Variants in TTC28 observed in about 807,000 individuals in gnomAD.
The protein encoded by TTC28 is tetratricopeptide repeat protein 28.
TTC28 carries 61 observed loss-of-function variants against 198.0 expected under a neutral mutation model. The observed-to-expected ratio is 0.31, with a 90% CI of 0.25 to 0.38. The LOEUF (loss-of-function observed/expected upper bound fraction) is 0.38. Among genes scored for constraint, TTC28 ranks in the 10% least tolerant of loss-of-function variants. TTC28 has a pLI of 1.00. For synonymous variants in TTC28, 1,171 were observed against 1,297.8 expected (o/e 0.90, Z 2.10); for missense variants, 2,678 against 3,164.0 (o/e 0.85, Z 3.69).
chr22:28,143,239 G>C (rs1169871532), intron 6 of TTC28, among the ~76,000 whole-genome samples: 1 of 152,194 alleles, frequency 6.6e-6, no homozygotes, highest in African/African-American at 2.4e-5. Context: ...AAGAATGACA[G>C]AATGAATGGA....
chr22:28,074,001 A>C (rs1021819079), intron 12 of TTC28, among the ~76,000 whole-genome samples: 2 of 152,214 alleles, frequency 1.3e-5, no homozygotes, highest in African/African-American at 4.8e-5. Context: ...GGTCTGACAC[A>C]GTTAAATGTG....
chr22:27,985,657 A>C, intron 21 of TTC28: 1 of 241,250 alleles, frequency 4.1e-6, no homozygotes, highest in Non-Finnish European at 8.4e-6. Flanking sequence ...AGTAAGGCTC[A>C]CTCACATGTT....
intron 5 of TTC28, among the ~76,000 whole-genome samples, chr22:28,200,884 T>C (rs1164910337): frequency 6.6e-6 from 1 of 152,228 alleles, no homozygotes; most frequent in Non-Finnish European, 1.5e-5. Context: ...AAAGCTATAT[T>C]GTGTGCTACT....
At position 28,130,540 on chromosome 22, in the gene TTC28, T is replaced by C. The variant is rs565309412; in HGVS notation, c.1442-22137A>G. 9.8e-5 allele frequency among the ~76,000 whole-genome samples: 15 copies of C among 152,368 alleles called. No individual in the cohort carries two copies. In the South Asian group the frequency reaches 2.5e-3, roughly 25 times the overall value. Reference sequence around the variant, plus strand: ...ACATTTTGTTTTATACATATGTATCTAGCTTTACATATAAATATGTCTTCA... The same window carrying C: ...ACATTTTGTTTTATACATATGTATCCAGCTTTACATATAAATATGTCTTCA... On this transcript the variant is annotated intron_variant, in intron 6 of 22. Transcript: ENST00000397906.
At chr22:28,024,616 G>A (rs943784375) in intron 13 of TTC28, among the ~76,000 whole-genome samples, 1 of 152,350 alleles carries the variant, frequency 6.6e-6, no homozygotes, top group East Asian at 1.9e-4. Context: ...GGATCAGTGT[G>A]AGGGACAAAG....
intron 2 of TTC28, among the ~76,000 whole-genome samples, chr22:28,615,240 C>A (rs2050884296): frequency 6.6e-6 from 1 of 152,262 alleles, no homozygotes; most frequent in Middle Eastern, 3.4e-3. Context: ...CAAATCAAAA[C>A]CACAATGAGA....
intron 2 of TTC28, among the ~76,000 whole-genome samples, chr22:28,377,156 C>A (rs1346577126): frequency 1.4e-5 from 2 of 139,100 alleles, no homozygotes; most frequent in Non-Finnish European, 3.1e-5. Flanking sequence ...AAGTAAAAAA[C>A]CAAACAAAAC....
chr22:28,514,690 C>T (rs530854958), intron 2 of TTC28, among the ~76,000 whole-genome samples: 2 of 152,274 alleles, frequency 1.3e-5, no homozygotes, highest in East Asian at 1.9e-4. Context: ...CATGCCTGTG[C>T]GCAGCAGAGA....
chr22:28,566,729 GT>G (rs1399625265), intron 2 of TTC28, among the ~76,000 whole-genome samples: 1 of 152,072 alleles, frequency 6.6e-6, no homozygotes, highest in African/African-American at 2.4e-5. Context: ...GAGAAAAAAA[GT>G]TCTTGAAAAT....
At chr22:28,630,270 G>T (rs2051152077) in intron 1 of TTC28, among the ~76,000 whole-genome samples, 1 of 151,984 alleles carries the variant, frequency 6.6e-6, no homozygotes, top group African/African-American at 2.4e-5. Context: ...AGATTACTCA[G>T]CCTCAGGTAT....
At chr22:28,250,977 C>T (rs1343311289) in intron 5 of TTC28, among the ~76,000 whole-genome samples, 3 of 152,046 alleles carry the variant, frequency 2.0e-5, no homozygotes, top group African/African-American at 2.4e-5. Context: ...GTAAAGTAGC[C>T]GAGAGTTATA....
rs557394680 is a variant in TTC28, at chr22:28,553,728, C to T, written c.381+75824G>A. ...GGGGGGTCAGCCCCCGCCAGGCCAA[C>T]TGCCCCGTCCGGGAGGGAGGTGAGG... On this transcript the variant is annotated intron_variant, in intron 2 of 22. Transcript: ENST00000397906. Among the ~76,000 whole-genome samples, 10 of 151,744 alleles carry T rather than the reference C, an allele frequency of 6.6e-5. No individual in the cohort carries two copies. The South Asian group carries it at 8.4e-4, about 13-fold the overall frequency.
intron 1 of TTC28, among the ~76,000 whole-genome samples, chr22:28,644,374 G>A (rs1415542918): frequency 1.4e-5 from 2 of 147,596 alleles, no homozygotes; most frequent in Non-Finnish European, 3.0e-5. Flanking sequence ...ACCCCAGCCT[G>A]GGCGACAGAG....
intron 2 of TTC28, among the ~76,000 whole-genome samples, chr22:28,315,150 G>A (rs2045332829): frequency 6.6e-6 from 1 of 152,076 alleles, no homozygotes; most frequent in African/African-American, 2.4e-5. Flanking sequence ...ACCAGAGACC[G>A]AGTTCTCACT....
chr22:28,471,319 T>A (rs2048094141), intron 2 of TTC28, among the ~76,000 whole-genome samples: 2 of 152,150 alleles, frequency 1.3e-5, no homozygotes, highest in Admixed American at 6.5e-5. Flanking sequence ...CATTAAAAAC[T>A]TTGATTAGCG....
At chr22:28,128,312 C>T (rs13055409) in intron 6 of TTC28, among the ~76,000 whole-genome samples, 8,333 of 150,762 alleles carry the variant, frequency 0.055, 281 homozygotes, top group African/African-American at 0.072. Flanking sequence ...AGCAAGACTC[C>T]GTCTCAAAAA....
At chr22:28,329,177 T>C (rs1158846801) in intron 2 of TTC28, among the ~76,000 whole-genome samples, 5 of 152,148 alleles carry the variant, frequency 3.3e-5, no homozygotes, top group Admixed American at 6.5e-5. Context: ...TAAATATACA[T>C]ATATAATGTA....
chr22:28,481,024 T>C (rs974495504), intron 2 of TTC28, among the ~76,000 whole-genome samples: 1 of 152,172 alleles, frequency 6.6e-6, no homozygotes, highest in Admixed American at 6.5e-5. Flanking sequence ...ATAGCAGAGA[T>C]GGGATGCAAG....
chr22:28,463,248 A>C (rs1286259413), intron 2 of TTC28, among the ~76,000 whole-genome samples: 4 of 152,182 alleles, frequency 2.6e-5, no homozygotes, highest in Non-Finnish European at 5.9e-5. Context: ...TTGGCTTAGG[A>C]TTGACTTGGC....
Sources: gnomAD v4.1 joint callset for allele counts (sites outside exome capture counted in the v4.1 genomes callset) on GRCh38, gnomAD v4.1.1 for gene constraint, MANE v1.5 for transcripts, NCBI Gene and HGNC (gene_info 2026-07-23, HGNC 2026-07-21) for gene names.